Variants in TAFA2 observed in about 807,000 individuals in gnomAD.
TAFA2 encodes the protein TAFA chemokine like family member 2.
TAFA2 carries 7 observed loss-of-function variants against 18.8 expected under a neutral mutation model. The ratio of observed to expected loss-of-function variants is 0.37; its 90% confidence interval spans 0.21 to 0.70. The LOEUF is 0.70. TAFA2 is among the 30% of genes least tolerant of loss of function. The pLI is 0.53. For synonymous variants in TAFA2, 60 were observed against 54.2 expected (o/e 1.11, Z -0.47); for missense variants, 122 against 158.1 (o/e 0.77, Z 1.23).
At chr12:61,773,603 G>A (rs1870126987) in intron 2 of TAFA2, among the ~76,000 whole-genome samples, 1 of 151,934 alleles carries the variant, frequency 6.6e-6, no homozygotes, top group Non-Finnish European at 1.5e-5. Context: ...ACATAAAGTG[G>A]AGAGAGGACA....
At chr12:62,074,004 G>A (rs936426291) in intron 1 of TAFA2, among the ~76,000 whole-genome samples, 7 of 152,218 alleles carry the variant, frequency 4.6e-5, no homozygotes, top group Non-Finnish European at 8.8e-5. Flanking sequence ...TGCTGAATTC[G>A]AGGTTGGTGA....
intron 1 of TAFA2, among the ~76,000 whole-genome samples, chr12:62,163,732 G>A (rs2062420989): frequency 6.6e-6 from 1 of 152,002 alleles, no homozygotes; most frequent in South Asian, 2.1e-4. Flanking sequence ...ATTTAAATAT[G>A]GCAAATATAT....
At chr12:61,719,398 G>A (rs895787863) in intron 4 of TAFA2, among the ~76,000 whole-genome samples, 5 of 152,010 alleles carry the variant, frequency 3.3e-5, no homozygotes, top group Non-Finnish European at 5.9e-5. Flanking sequence ...ACCTAATATG[G>A]GTCTTTTGAG....
rs575678303 is a variant in TAFA2, at chr12:61,708,839, C to A, written c.*1567G>T. On this transcript the variant is annotated 3_prime_UTR_variant, in exon 5 of 5. Transcript: ENST00000416284. ...TTGAATATTGTCACAAACTAATAGA[C>A]CAAAGCTCCCCAGGATATATGGGCC... 5 of 152,202 alleles carry A rather than the reference C, an allele frequency of 3.3e-5. No individual in the cohort carries two copies. The South Asian group carries it at 8.3e-4, about 25-fold the overall frequency. The allele number at this position is 152,202 out of a possible 1,614,324, so 9.4% of individuals were successfully genotyped here.
chr12:61,791,999 T>C (rs1185927312), intron 2 of TAFA2, among the ~76,000 whole-genome samples: 1 of 151,690 alleles, frequency 6.6e-6, no homozygotes, highest in Non-Finnish European at 1.5e-5. Flanking sequence ...AAAGAAAATA[T>C]GGTACATATA....
At chr12:62,151,009 G>T (rs1403653610) in intron 1 of TAFA2, among the ~76,000 whole-genome samples, 1 of 148,088 alleles carries the variant, frequency 6.8e-6, no homozygotes, top group Non-Finnish European at 1.5e-5. Context: ...AAAAAAAAAA[G>T]ACAGTCACAG....
chr12:61,806,650 G>A (rs139437754), intron 2 of TAFA2, among the ~76,000 whole-genome samples: 14 of 152,326 alleles, frequency 9.2e-5, no homozygotes, highest in African/African-American at 3.4e-4. Flanking sequence ...GAACTTCCTA[G>A]AGACTTGTTG....
chr12:61,806,964 T>A (rs1871640349), intron 2 of TAFA2, among the ~76,000 whole-genome samples: 1 of 152,102 alleles, frequency 6.6e-6, no homozygotes, highest in Admixed American at 6.5e-5. Flanking sequence ...TTTGCAAAAT[T>A]TGTAGCCTGA....
intron 1 of TAFA2, among the ~76,000 whole-genome samples, chr12:62,067,867 C>T (rs575121206): frequency 1.3e-5 from 2 of 152,150 alleles, no homozygotes; most frequent in Non-Finnish European, 2.9e-5. Flanking sequence ...TCAGACTTCA[C>T]AATTAGATTT....
intron 4 of TAFA2, among the ~76,000 whole-genome samples, chr12:61,739,504 T>A (rs755747772): frequency 7.9e-5 from 12 of 152,120 alleles, no homozygotes; most frequent in Admixed American, 1.3e-4. Context: ...ATGTTATGAA[T>A]ATTTATCTTT....
chr12:61,910,398 C>T (rs191556642), intron 1 of TAFA2, among the ~76,000 whole-genome samples: 30 of 152,246 alleles, frequency 2.0e-4, no homozygotes, highest in South Asian at 8.3e-4. Flanking sequence ...CTCCTGACTT[C>T]CACAAAGTTC....
chr12:61,766,230 C>T (rs774548003), intron 2 of TAFA2, among the ~76,000 whole-genome samples: 35 of 152,064 alleles, frequency 2.3e-4, no homozygotes, highest in Non-Finnish European at 3.5e-4. Flanking sequence ...TCATTTGTGG[C>T]TCTTCATTTT....
chr12:61,820,610 G>C (rs995710608), intron 2 of TAFA2, among the ~76,000 whole-genome samples: 2 of 151,898 alleles, frequency 1.3e-5, no homozygotes, highest in Admixed American at 1.3e-4. Context: ...AAGATAATTC[G>C]ATCTTAATTA....
intron 1 of TAFA2, among the ~76,000 whole-genome samples, chr12:61,931,239 T>C (rs1015752889): frequency 6.6e-6 from 1 of 152,228 alleles, no homozygotes; most frequent in Admixed American, 6.5e-5. Flanking sequence ...TCAGCACTCA[T>C]AATTAATCTC....
chr12:62,064,559 T>C (rs952416759), intron 1 of TAFA2, among the ~76,000 whole-genome samples: 7 of 152,038 alleles, frequency 4.6e-5, no homozygotes, highest in Admixed American at 1.3e-4. Flanking sequence ...TGGACTTCGG[T>C]TTTCAAATTT....
At chr12:61,790,630 C>A (rs1053783062) in intron 2 of TAFA2, among the ~76,000 whole-genome samples, 1 of 151,526 alleles carries the variant, frequency 6.6e-6, no homozygotes, top group Non-Finnish European at 1.5e-5. Context: ...TACCAAAAAG[C>A]AAGATACCTA....
At chr12:61,817,803 A>C (rs983173638) in intron 2 of TAFA2, among the ~76,000 whole-genome samples, 4 of 152,216 alleles carry the variant, frequency 2.6e-5, no homozygotes, top group African/African-American at 9.6e-5. Flanking sequence ...TCAAAATGAC[A>C]TATTGACACA....
rs576081223 is a variant in TAFA2, at chr12:62,037,807, T to G, written c.-2+153452A>C. On this transcript the variant is annotated intron_variant, in intron 1 of 4. Coordinates refer to ENST00000416284, the MANE Select transcript of TAFA2 (RefSeq NM_178539.5). ...GGATAAATATAAGTCACAACATAAA[T>G]TATTTTACCGCCTGACAGATGATTT... Among the ~76,000 whole-genome samples, 11 of 152,296 alleles carry G rather than the reference T, an allele frequency of 7.2e-5. No individual in the cohort carries two copies. The East Asian group carries it at 1.3e-3, about 19-fold the overall frequency.
chr12:62,233,890 G>A (rs1349411393), intron 1 of TAFA2, among the ~76,000 whole-genome samples: 2 of 152,224 alleles, frequency 1.3e-5, no homozygotes, highest in African/African-American at 4.8e-5. Flanking sequence ...GTAGGACAGG[G>A]TCAGGGTAGG....
Sources: allele counts gnomAD v4.1 joint callset (sites outside exome capture counted in the v4.1 genomes callset), GRCh38; gene constraint gnomAD v4.1.1; transcripts MANE v1.5; gene names NCBI Gene and HGNC (gene_info 2026-07-23, HGNC 2026-07-21).